Variants in CSMD1 observed in about 807,000 individuals in gnomAD.
CSMD1 encodes the protein CUB and Sushi multiple domains 1, also known as CUB and sushi domain-containing protein 1.
Under a neutral mutation model 417.5 loss-of-function variants are expected in CSMD1, and 213 were observed. That is an observed-to-expected ratio of 0.51 (90% confidence interval 0.46 to 0.57). CSMD1 has a LOEUF of 0.57. Ranked by LOEUF, CSMD1 falls within the 20% of genes least tolerant of loss-of-function variation. The probability of loss-of-function intolerance (pLI) is 0.00; values close to 1 mark genes in which losing one functional copy is unlikely to be tolerated. For missense variants in CSMD1, 6,923 were observed against 4,529.7 expected, an observed-to-expected ratio of 1.53 and a Z score of -15.17; for synonymous variants, 2,862 against 1,736.8, an observed-to-expected ratio of 1.65 and a Z score of -16.11.
At chr8:4,760,195 T>C (rs1811951317) in intron 1 of CSMD1, among the ~76,000 whole-genome samples, 1 of 152,216 alleles carries the variant, frequency 6.6e-6, no homozygotes, top group Non-Finnish European at 1.5e-5. Context: ...CAAAGTGCAT[T>C]CTAATAAATC....
intron 3 of CSMD1, among the ~76,000 whole-genome samples, chr8:4,140,098 G>A (rs78144906): frequency 0.3 from 44,959 of 150,272 alleles, 8,410 homozygotes; most frequent in Non-Finnish European, 0.39. Context: ...CATGCCTATA[G>A]TCCTAACACT....
In CSMD1 at chr8:4,080,003, G is replaced by GT. The variant is rs5889015; in HGVS notation, c.416-47905dup. On this transcript the variant is annotated intron_variant, in intron 3 of 69. Transcript: ENST00000635120. ...AAGAAAATTATGTTCGAATATTGGT[G>GT]TTTTTTTTTTTTTCTAGATATCAAA... Among the ~76,000 whole-genome samples, 1,291 of 144,286 alleles carry GT rather than the reference G, an allele frequency of 8.9e-3. 16 individuals carry two copies. The highest frequency in any genetic ancestry group is 0.068 in the East Asian group (335 of 4,954). 94.7% of individuals were successfully genotyped at this position (144,286 alleles called of 152,430 possible). A position where few individuals can be genotyped will look rare whatever the true frequency, so the allele number is the denominator to read the frequency against.
chr8:3,837,769 T>G (rs142098248), intron 5 of CSMD1, among the ~76,000 whole-genome samples: 189 of 151,620 alleles, frequency 1.2e-3, no homozygotes, highest in African/African-American at 4.3e-3. Context: ...ATCAGTTCCA[T>G]CTTTGTTTTC....
intron 30 of CSMD1, among the ~76,000 whole-genome samples, chr8:3,207,343 T>A (rs112242326): frequency 6.7e-6 from 1 of 149,870 alleles, no homozygotes; most frequent in South Asian, 2.1e-4. Flanking sequence ...TTAATAGATA[T>A]GATGTTGGTC....
chr8:3,787,836 T>C (rs1180615529), intron 5 of CSMD1, among the ~76,000 whole-genome samples: 1 of 152,206 alleles, frequency 6.6e-6, no homozygotes, highest in Non-Finnish European at 1.5e-5. Flanking sequence ...GTGTCCTATC[T>C]TGCAAAGCAA....
At position 4,014,284 on chromosome 8, in the gene CSMD1, T is replaced by C. The variant is rs138869361; in HGVS notation, c.611-16174A>G. Among the ~76,000 whole-genome samples, 337 of 152,336 alleles carry C rather than the reference T, an allele frequency of 2.2e-3. 1 individual carries two copies. The highest frequency in any genetic ancestry group is 4.8e-3 in the Admixed American group (74 of 15,296). ...GCTATATGTACAGAGACACTAATTA[T>C]GGCATTGCGTGTCGAAGTGAACATG... On this transcript the variant is annotated intron_variant, in intron 4 of 69. Transcript: ENST00000635120.
intron 5 of CSMD1, among the ~76,000 whole-genome samples, chr8:3,921,290 C>T (rs1456954363): frequency 6.6e-6 from 1 of 151,992 alleles, no homozygotes; most frequent in East Asian, 1.9e-4. Context: ...AATTTTGAGT[C>T]TTCTCTTTTC....
rs557143291 is a variant in CSMD1, at chr8:3,586,290, C to A, written c.1098-30G>T. On this transcript the variant is annotated intron_variant, in intron 8 of 69. Coordinates refer to ENST00000635120, the MANE Select transcript of CSMD1 (RefSeq NM_033225.6). ...GCCGTTAAAAAAGAAAAAAAAAAAC[C>A]CAAATTATTTACAGAAGACTTCTTT... The A allele has an allele frequency of 3.4e-4, 523 of 1,533,488 alleles. 2 individuals carry two copies. Among genetic ancestry groups the A allele is most frequent in the East Asian group, 6.6e-4 (29 of 43,844 alleles). 95.0% of individuals were successfully genotyped at this position (1,533,488 alleles called of 1,614,324 possible). A position where few individuals can be genotyped will look rare whatever the true frequency, so the allele number is the denominator to read the frequency against.
intron 10 of CSMD1, among the ~76,000 whole-genome samples, chr8:3,504,011 G>C (rs548112291): frequency 5.3e-5 from 8 of 152,256 alleles, no homozygotes; most frequent in African/African-American, 1.7e-4. Flanking sequence ...GGTGCAATCA[G>C]TTCCAGTGTT....
intron 3 of CSMD1, among the ~76,000 whole-genome samples, chr8:4,305,881 T>C (rs1265412152): frequency 6.6e-6 from 1 of 152,170 alleles, no homozygotes; most frequent in Non-Finnish European, 1.5e-5. Context: ...TACGTGTGTA[T>C]ATGCAATTGT....
At chr8:4,185,375 G>A (rs1203565183) in intron 3 of CSMD1, among the ~76,000 whole-genome samples, 2 of 151,896 alleles carry the variant, frequency 1.3e-5, no homozygotes, top group Non-Finnish European at 2.9e-5. Flanking sequence ...AATTGGACAG[G>A]GCTTTTAAAG....
intron 1 of CSMD1, among the ~76,000 whole-genome samples, chr8:4,848,608 C>T (rs1030324435): frequency 4.6e-5 from 7 of 151,218 alleles, no homozygotes; most frequent in African/African-American, 1.7e-4. Flanking sequence ...GGCACCGTGT[C>T]GGCTCACTAC....
At chr8:4,574,617 C>A (rs1393652715) in intron 2 of CSMD1, among the ~76,000 whole-genome samples, 1 of 152,142 alleles carries the variant, frequency 6.6e-6, no homozygotes, top group African/African-American at 2.4e-5. Flanking sequence ...ATTTATGTGT[C>A]CATGAATACA....
chr8:2,997,886 T>C lies in CSMD1; in HGVS notation c.8377+125A>G, dbSNP rs1374781729. 4.2e-5 allele frequency: 36 copies of C among 860,428 alleles called. No homozygotes were observed. In the South Asian group the frequency reaches 7.9e-4, roughly 19 times the overall value. 53.3% of individuals were successfully genotyped at this position (860,428 alleles called of 1,614,324 possible). A position where few individuals can be genotyped will look rare whatever the true frequency, so the allele number is the denominator to read the frequency against. On this transcript the variant is annotated intron_variant, in intron 54 of 69. Coordinates refer to ENST00000635120, the MANE Select transcript of CSMD1 (RefSeq NM_033225.6). ...TCTCAGAAATGCTTTCACACCTGAA[T>C]GGTGAGAGTTTGCAGAACTCTTTAT...
chr8:3,472,380 G>C (rs559948247), intron 11 of CSMD1, among the ~76,000 whole-genome samples: 1 of 152,076 alleles, frequency 6.6e-6, no homozygotes, highest in African/African-American at 2.4e-5. Context: ...CTCTACTAAT[G>C]ATTTTGTCAC....
chr8:3,106,462 A>G, intron 46 of CSMD1, 66 bp downstream of exon 46: 1 of 930,258 alleles, frequency 1.1e-6, no homozygotes, highest in Admixed American at 2.1e-5. Flanking sequence ...AATGCAGACC[A>G]ATACAAACAA....
At position 4,914,449 on chromosome 8, in the gene CSMD1, G is replaced by A. The variant is rs536227881; in HGVS notation, c.85+79883C>T. ...AAAAATTAACCGGGTGAGGTGGCGG[G>A]CCCCTGTAGTCCCAGCTACTCGGGA... is the stretch of plus-strand genomic sequence containing the variant. On this transcript the variant is annotated intron_variant, in intron 1 of 69. Coordinates refer to ENST00000635120, the MANE Select transcript of CSMD1 (RefSeq NM_033225.6). Among the ~76,000 whole-genome samples the A allele has an allele frequency of 2.7e-3, 415 of 152,008 alleles. 1 individual carries two copies. The highest frequency in any genetic ancestry group is 9.5e-3 in the African/African-American group (395 of 41,440).
At chr8:3,839,548 T>C (rs1242895286) in intron 5 of CSMD1, among the ~76,000 whole-genome samples, 2 of 85,410 alleles carry the variant, frequency 2.3e-5, no homozygotes, top group African/African-American at 4.2e-5. Context: ...TTATATATTA[T>C]ATATATATTA....
At chr8:3,264,708 A>C (rs900959458) in intron 26 of CSMD1, among the ~76,000 whole-genome samples, 5 of 152,210 alleles carry the variant, frequency 3.3e-5, no homozygotes, top group Admixed American at 1.3e-4. Flanking sequence ...ATTTAACTTA[A>C]TTAACTAGGA....
Sources: gnomAD v4.1 joint callset for allele counts (sites outside exome capture counted in the v4.1 genomes callset) on GRCh38, gnomAD v4.1.1 for gene constraint, MANE v1.5 for transcripts, NCBI Gene and HGNC (gene_info 2026-07-23, HGNC 2026-07-21) for gene names.